Variants in PCDHGA2 observed in about 807,000 individuals in gnomAD.
PCDHGA2 encodes protocadherin gamma-A2.
In PCDHGA2, 40 loss-of-function variants were observed where a neutral mutation model predicts 59.2. The observed-to-expected ratio is 0.68, with a 90% CI of 0.52 to 0.88. The LOEUF (loss-of-function observed/expected upper bound fraction) is 0.88, where lower values mean the gene tolerates loss of function less well. Ranked by LOEUF, PCDHGA2 falls within the 40% of genes least tolerant of loss-of-function variation. The pLI, the probability that PCDHGA2 is intolerant of heterozygous loss-of-function variation, is 0.00. For missense variants in PCDHGA2, 1,226 were observed against 1,204.0 expected, an observed-to-expected ratio of 1.02 and a Z score of -0.27; for synonymous variants, 560 against 526.0, an observed-to-expected ratio of 1.06 and a Z score of -0.89.
Position 141,476,115 on chromosome 5 carries a change from A to G in PCDHGA2, c.2425-18692A>G. 1 of 1,592,814 alleles carries G rather than the reference A, an allele frequency of 6.3e-7. No homozygotes were observed. The highest frequency in any genetic ancestry group is 8.5e-7 in the Non-Finnish European group (1 of 1,171,734). On this transcript the variant is annotated intron_variant, in intron 1 of 3. Coordinates refer to ENST00000394576, the MANE Select transcript of PCDHGA2 (RefSeq NM_018915.4). This position sits in a 1 kb window ranked among gnomAD's most constrained non-coding sequence, Gnocchi z 7.6. ...CGCTGAGAGGAACTGCTTTTGAGTG[A>G]GATGGTCCCAGAGGCCTGGAGGAGC...
At chr5:141,495,257 A>T (rs1411983517) in intron 2 of PCDHGA2, among the ~76,000 whole-genome samples, 1 of 152,200 alleles carries the variant, frequency 6.6e-6, no homozygotes, top group Non-Finnish European at 1.5e-5. Context: ...CTCAGGCAGA[A>T]AAGCATTTGA....
chr5:141,362,803 A>C (rs148727944), intron 1 of PCDHGA2, among the ~76,000 whole-genome samples: 2 of 152,166 alleles, frequency 1.3e-5, no homozygotes, highest in African/African-American at 4.8e-5. Context: ...TCATCTTTAC[A>C]TTACTTCTCT....
chr5:141,433,234 C>T (rs773942024), intron 1 of PCDHGA2: 3 of 1,512,746 alleles, frequency 2.0e-6, no homozygotes, highest in Middle Eastern at 1.8e-4. Flanking sequence ...TGCTCTGTCT[C>T]CCAAGCTGGA....
At chr5:141,345,013 T>C (rs1757505366) in intron 1 of PCDHGA2, 1 of 1,614,000 alleles carries the variant, frequency 6.2e-7, no homozygotes, top group Non-Finnish European at 8.5e-7. Flanking sequence ...GGACCAGGTC[T>C]TCTTTCAAGA....
chr5:141,449,588 C>CAAA (rs768743917), intron 1 of PCDHGA2, among the ~76,000 whole-genome samples: 1 of 57,476 alleles, frequency 1.7e-5, no homozygotes, highest in East Asian at 5.2e-4. Context: ...GACTCTGTCT[C>CAAA]AAAAAAAAAA....
chr5:141,393,745 A>T, intron 1 of PCDHGA2: 1 of 1,613,898 alleles, frequency 6.2e-7, no homozygotes. Context: ...GATTATGAAG[A>T]ATGTTCATTT....
intron 1 of PCDHGA2, chr5:141,427,758 A>T: frequency 7.4e-7 from 1 of 1,345,378 alleles, no homozygotes; most frequent in Non-Finnish European, 1.1e-6. Context: ...CATCGTTACC[A>T]CTGACTTGGA....
intron 1 of PCDHGA2, chr5:141,351,673 C>G (rs746872217): frequency 1.9e-6 from 3 of 1,614,004 alleles, no homozygotes; most frequent in East Asian, 2.2e-5. Context: ...CACAAGTAAG[C>G]GCCTCCGACC....
intron 1 of PCDHGA2, chr5:141,383,806 A>C: frequency 6.2e-7 from 1 of 1,614,006 alleles, no homozygotes; most frequent in Non-Finnish European, 8.5e-7. Context: ...AGAAATATCA[A>C]CTTTAGAAGG....
rs1307942270 is a variant in PCDHGA2 at position 141,388,326 on chromosome 5, C to A, written c.2424+46931C>A. ...GCTGCAAATAAGTGAGTCTGCACAG[C>A]CTGGCACACGATTTATATTAGGATC... On this transcript the variant is annotated intron_variant, in intron 1 of 3. Transcript: ENST00000394576. 3.7e-6 allele frequency: 6 copies of A among 1,613,760 alleles called. No homozygotes were observed. The highest frequency in any genetic ancestry group is 5.1e-6 in the Non-Finnish European group (6 of 1,179,866).
chr5:141,455,876 TTTA>T (rs1271603055), intron 1 of PCDHGA2, among the ~76,000 whole-genome samples: 2 of 146,624 alleles, frequency 1.4e-5, no homozygotes, highest in Non-Finnish European at 1.5e-5. Context: ...TATTTATTTA[TTTA>T]TTTATTTATT....
At chr5:141,502,356 G>C (rs1443285213) in intron 2 of PCDHGA2, among the ~76,000 whole-genome samples, 4 of 151,838 alleles carry the variant, frequency 2.6e-5, no homozygotes. Flanking sequence ...TAATGACATG[G>C]ATATTTTTAA....
chr5:141,467,572 G>A (rs1351985954), intron 1 of PCDHGA2, among the ~76,000 whole-genome samples: 1 of 152,184 alleles, frequency 6.6e-6, no homozygotes, highest in African/African-American at 2.4e-5. Flanking sequence ...TGGCTATCCA[G>A]TTGTCCCAAT....
At chr5:141,438,960 C>A (rs1398478011) in intron 1 of PCDHGA2, among the ~76,000 whole-genome samples, 1 of 151,940 alleles carries the variant, frequency 6.6e-6, no homozygotes, top group Non-Finnish European at 1.5e-5. Flanking sequence ...GCCACCGCAC[C>A]CTGCCAACTG....
chr5:141,435,026 C>A (rs977017371), intron 1 of PCDHGA2, among the ~76,000 whole-genome samples: 4 of 151,978 alleles, frequency 2.6e-5, no homozygotes, highest in Non-Finnish European at 5.9e-5. Context: ...GCTCTTTTCC[C>A]ACTTTTATTT....
At position 141,485,100 on chromosome 5, in the gene PCDHGA2, C is replaced by G. The variant is rs900224386; in HGVS notation, c.2425-9707C>G. 1.0e-5 allele frequency: 12 copies of G among 1,148,882 alleles called. No homozygotes were observed. Among genetic ancestry groups the G allele is most frequent in the Non-Finnish European group, 1.4e-5 (11 of 778,894 alleles). 71.2% of individuals were successfully genotyped at this position (1,148,882 alleles called of 1,614,324 possible). On this transcript the variant is annotated intron_variant, in intron 1 of 3. Coordinates refer to ENST00000394576, the MANE Select transcript of PCDHGA2 (RefSeq NM_018915.4). This position sits in a 1 kb window ranked among gnomAD's most constrained non-coding sequence, Gnocchi z 5.7. ...GGGAAAGGGAGATAGGTGTCTCCAG[C>G]TGCTGTGGCTGTTTGGGGCGGGTCG...
intron 1 of PCDHGA2, chr5:141,441,669 T>C: frequency 3.5e-6 from 1 of 287,870 alleles, no homozygotes; most frequent in Non-Finnish European, 6.8e-6. Context: ...GAGCGCACAG[T>C]GCGCCTTCGA....
At chr5:141,419,946 T>C in intron 1 of PCDHGA2, 1 of 1,614,086 alleles carries the variant, frequency 6.2e-7, no homozygotes, top group Non-Finnish European at 8.5e-7. Context: ...GTGGTGGCCT[T>C]GGCCTTGATT....
chr5:141,347,694 G>A (rs1189399790), intron 1 of PCDHGA2, among the ~76,000 whole-genome samples: 1 of 151,428 alleles, frequency 6.6e-6, no homozygotes, highest in Non-Finnish European at 1.5e-5. Flanking sequence ...AGCTGAGGCA[G>A]AAGAATTGCT....
Sources: allele counts gnomAD v4.1 joint callset (sites outside exome capture counted in the v4.1 genomes callset), GRCh38; gene constraint gnomAD v4.1.1; non-coding constraint Gnocchi (gnomAD v3.1); transcripts MANE v1.5; gene names NCBI Gene and HGNC (gene_info 2026-07-23, HGNC 2026-07-21).